Variants in SUPT5H observed in about 807,000 individuals in gnomAD.
SUPT5H encodes the protein SPT5 homolog, DSIF elongation factor subunit.
In SUPT5H, 24 loss-of-function variants were observed where a neutral mutation model predicts 142.5. The observed-to-expected ratio is 0.17, with a 90% confidence interval of 0.12 to 0.24. SUPT5H has a LOEUF of 0.24. SUPT5H is among the 10% of genes least tolerant of loss of function. SUPT5H has a pLI of 1.00. For synonymous variants in SUPT5H, 546 were observed against 553.0 expected, an observed-to-expected ratio of 0.99 and a Z score of 0.18; for missense variants, 893 against 1,471.8, an observed-to-expected ratio of 0.61 and a Z score of 6.43.
At position 39,470,990 on chromosome 19, in the gene SUPT5H, A is replaced by G. The variant is rs547850312; in HGVS notation, c.1678-367A>G. ...CCTGAGTTTCCCTCTGTAAGATGGA[A>G]ATCATGACAGAATCCACCTCAGAGG... On this transcript the variant is annotated intron_variant, in intron 18 of 29. Transcript: ENST00000432763. The surrounding 1 kb of genome is among the most constrained non-coding windows in gnomAD (Gnocchi z 5.8). Among the ~76,000 whole-genome samples the G allele has an allele frequency of 1.8e-4, 27 of 152,280 alleles. No homozygotes were observed. Among genetic ancestry groups the G allele is most frequent in the Admixed American group, 1.6e-3 (25 of 15,296 alleles).
chr19:39,473,233 G>C lies in SUPT5H; in HGVS notation c.2289G>C (p.Ser763=), dbSNP rs766297953. Residue 763 remains serine (S), a synonymous_variant, in exon 24 of 30, where the codon TCG becomes TCC. Transcript: ENST00000432763. The surrounding 1 kb of genome is among the most constrained non-coding windows in gnomAD (Gnocchi z 5.8). ...CACGGCGCCCGGGCGGCATGACCTC[G>C]ACCTATGGGAGGACGCCCATGTATG... ...VGSRRPGGMT[S]TYGRTPMYGS... The C allele has an allele frequency of 6.2e-7, 1 of 1,613,344 alleles. No homozygotes were observed. Among genetic ancestry groups the C allele is most frequent in the Non-Finnish European group, 8.5e-7 (1 of 1,179,942 alleles).
At position 39,465,012 on chromosome 19, in the gene SUPT5H, G is replaced by A. The variant is rs766384846; in HGVS notation, c.839G>A (p.Arg280His). 3 of 1,614,146 alleles carry A rather than the reference G, an allele frequency of 1.9e-6. No individual in the cohort carries two copies. The highest frequency in any genetic ancestry group is 2.5e-6 in the Non-Finnish European group (3 of 1,179,990). ...VANLKPKSWV[R>H]LKRGIYKDDI... ...AACCTGAAACCAAAGTCCTGGGTCC[G>A]CCTCAAGCGGGGCATCTACAAGGAT... The change falls in exon 11 of 30, where the codon CGC becomes CAC. Residue 280 changes from arginine to histidine, a missense_variant. By Grantham distance (29) the Arg-to-His change is conservative. Around this residue, in one of 6 missense-constraint regions of SUPT5H, gnomAD observed 428 missense variants for 763.5 expected, o/e 0.56. Transcript: ENST00000432763.
In SUPT5H at chr19:39,445,680, G is replaced by A. The variant is rs906784474; in HGVS notation, c.-88+43G>A. 10 of 600,244 alleles carry A rather than the reference G, an allele frequency of 1.7e-5. No homozygotes were observed. The African/African-American group carries it at 1.9e-4, about 11-fold the overall frequency. The allele number at this position is 600,244 out of a possible 1,614,324, so 37.2% of individuals were successfully genotyped here. ...GGTGGCAGTTCCGGGCGCCGGGGAG[G>A]TGTAGAGAACAGATTCGGAAACTGG... On this transcript the variant is annotated intron_variant, in intron 1 of 29. Transcript: ENST00000432763.
chr19:39,459,561 A>T lies in SUPT5H; in HGVS notation c.527A>T (p.Asp176Val). ...CTTCCTTTTCCTCTGCTGCTTAGGG[A>T]TCCCAATCTGTGGACTGTCAAATGT... ...TQQQLLPGVK[D>V]PNLWTVKCKI... The change falls in exon 9 of 30, where the codon GAT (aspartate) becomes GTT (valine). Residue 176 changes from aspartate (D) to valine (V), a missense_variant and splice_region_variant. This residue lies in a region of SUPT5H where 428 missense variants were observed against 763.5 expected (regional missense o/e 0.56). Transcript: ENST00000432763. The T allele has an allele frequency of 1.9e-6, 3 of 1,613,730 alleles. No individual in the cohort carries two copies. Among genetic ancestry groups the T allele is most frequent in the Non-Finnish European group, 2.5e-6 (3 of 1,179,912 alleles).
At chr19:39,471,915 G>A in intron 20 of SUPT5H, 185 bp downstream of exon 20, 1 of 900,038 alleles carries the variant, frequency 1.1e-6, no homozygotes, top group East Asian at 2.8e-5. Context: ...GTTATTTTAA[G>A]TTATTTATTC....
intron 2 of SUPT5H, among the ~76,000 whole-genome samples, chr19:39,450,371 G>A (rs927207203): frequency 3.9e-5 from 6 of 152,292 alleles, no homozygotes; most frequent in African/African-American, 1.4e-4. Context: ...TTCCTTCTGG[G>A]TTTAAGTGAT....
Position 39,466,382 on chromosome 19 carries a change from C to T in SUPT5H, c.877-98C>T, listed in dbSNP as rs2079235934. The T allele has an allele frequency of 2.6e-6, 3 of 1,146,212 alleles. No individual in the cohort carries two copies. Among genetic ancestry groups the T allele is most frequent in the African/African-American group, 1.5e-5 (1 of 65,820 alleles). 71.0% of individuals were successfully genotyped at this position (1,146,212 alleles called of 1,614,324 possible). A position where few individuals can be genotyped will look rare whatever the true frequency, so the allele number is the denominator to read the frequency against. ...GCAGCCTGGTTTCTTCCCCACCATC[C>T]TGCGTCCCTTCTCCTTCCTAGCATC... On this transcript the variant is annotated intron_variant, in intron 11 of 29. Coordinates refer to ENST00000432763, the MANE Select transcript of SUPT5H (RefSeq NM_001111020.3). The surrounding 1 kb of genome is among the most constrained non-coding windows in gnomAD (Gnocchi z 4.3).
chr19:39,458,164 C>A lies in SUPT5H; in HGVS notation c.308-130C>A. On this transcript the variant is annotated intron_variant, in intron 4 of 29. Transcript: ENST00000432763. The surrounding 1 kb of genome is among the most constrained non-coding windows in gnomAD (Gnocchi z 4.2). Reference sequence around the variant, plus strand: ...GTTTTCAACCTTTCTGTGTCCCTCCCTTCCCCTCCCCCAACCCATTGGTTG... The same window carrying A: ...GTTTTCAACCTTTCTGTGTCCCTCCATTCCCCTCCCCCAACCCATTGGTTG... 1 of 1,448,964 alleles carries A rather than the reference C, an allele frequency of 6.9e-7. No homozygotes were observed. The highest frequency in any genetic ancestry group is 9.2e-7 in the Non-Finnish European group (1 of 1,090,468). The allele number at this position is 1,448,964 out of a possible 1,614,324, so 89.8% of individuals were successfully genotyped here. A position where few individuals can be genotyped will look rare whatever the true frequency, so the allele number is the denominator to read the frequency against.
In SUPT5H at chr19:39,471,676, C is replaced by T. The variant is rs759619540; in HGVS notation, c.1896C>T (p.Asn632=). ...TACATTGCAAGAAACTGGTGGAGAA[C>T]GGGGGCATGTTTGTCTGCAAGACCC... is the stretch of plus-strand genomic sequence containing the variant. ...AFLHCKKLVE[N]GGMFVCKTRH... is the part of the protein sequence containing the mutation. The change falls in exon 20 of 30, where the codon AAC becomes AAT. Residue 632 remains asparagine (N), a synonymous_variant. Coordinates refer to ENST00000432763, the MANE Select transcript of SUPT5H (RefSeq NM_001111020.3). 1.9e-5 allele frequency: 31 copies of T among 1,614,032 alleles called. No homozygotes were observed. The East Asian group carries it at 2.7e-4, about 14-fold the overall frequency.
Position 39,473,894 on chromosome 19 carries a change from G to A in SUPT5H, c.2493-69G>A. On this transcript the variant is annotated intron_variant, in intron 25 of 29. Transcript: ENST00000432763. The surrounding 1 kb of genome is among the most constrained non-coding windows in gnomAD (Gnocchi z 5.8). ...TTGCTTCAGTTGGGGGTCTGGTGTA[G>A]GGTGCTGTTCTGGAAGCATCCATCG... is the stretch of plus-strand genomic sequence containing the variant. 1 of 1,602,778 alleles carries A rather than the reference G, an allele frequency of 6.2e-7. No individual in the cohort carries two copies. Among genetic ancestry groups the A allele is most frequent in the South Asian group, 1.1e-5 (1 of 90,868 alleles).
chr19:39,456,441 C>T (rs995988980), intron 3 of SUPT5H, among the ~76,000 whole-genome samples: 6 of 148,386 alleles, frequency 4.0e-5, no homozygotes, highest in African/African-American at 1.3e-4. Context: ...GTTTTTGAGA[C>T]GGAGTTTCCC....
chr19:39,445,778 C>T (rs1483292452), intron 1 of SUPT5H, 26 bp from the exon 2 acceptor site: 4 of 1,274,392 alleles, frequency 3.1e-6, no homozygotes, highest in South Asian at 2.6e-5. Flanking sequence ...CTGCCGGAAG[C>T]GCCCTAAGGG....
intron 28 of SUPT5H, chr19:39,475,029 G>A: frequency 4.5e-6 from 2 of 448,418 alleles, no homozygotes; most frequent in Non-Finnish European, 4.1e-6. Context: ...GAGGCCTGGA[G>A]GTGAGGGGAA....
chr19:39,456,183 C>T (rs1271785748), intron 3 of SUPT5H, among the ~76,000 whole-genome samples: 1 of 151,390 alleles, frequency 6.6e-6, no homozygotes, highest in Non-Finnish European at 1.5e-5. Context: ...TCCCAAAGTG[C>T]GGGGATTATA....
In SUPT5H at chr19:39,458,907, G is replaced by A. The variant is rs769209085; in HGVS notation, c.389+20G>A. On this transcript the variant is annotated intron_variant, in intron 6 of 29. Coordinates refer to ENST00000432763, the MANE Select transcript of SUPT5H (RefSeq NM_001111020.3). This position sits in a 1 kb window ranked among gnomAD's most constrained non-coding sequence, Gnocchi z 4.2. ...CTGGAGGTGGGCAAGGAAGGGAAAC[G>A]TGGTGGGATTGGCTCCTGTGGGGAG... is the stretch of plus-strand genomic sequence containing the variant. 43 of 1,613,692 alleles carry A rather than the reference G, an allele frequency of 2.7e-5. No homozygotes were observed. Among genetic ancestry groups the A allele is most frequent in the Non-Finnish European group, 3.4e-5 (40 of 1,179,748 alleles).
intron 20 of SUPT5H, 27 bp downstream of exon 20, chr19:39,471,757 G>A: frequency 2.5e-6 from 4 of 1,604,884 alleles, no homozygotes; most frequent in Non-Finnish European, 3.4e-6. Context: ...AGGACCCTGT[G>A]CGTTGGGTAC....
chr19:39,470,206 G>A lies in SUPT5H; in HGVS notation c.1462G>A (p.Asp488Asn). 1 of 1,607,616 alleles carries A rather than the reference G, an allele frequency of 6.2e-7. No homozygotes were observed. Among genetic ancestry groups the A allele is most frequent in the Non-Finnish European group, 8.5e-7 (1 of 1,175,510 alleles). The change falls in exon 17 of 30, where the codon GAC becomes AAC. Residue 488 changes from aspartate to asparagine, a missense_variant. By Grantham distance (23) the Asp-to-Asn change is conservative (BLOSUM62 1). Transcript: ENST00000432763. This position sits in a 1 kb window ranked among gnomAD's most constrained non-coding sequence, Gnocchi z 5.8. ...VKVIAGRFEGDTGLIVRVEEN... is the reference protein window; with the variant it reads ...VKVIAGRFEGNTGLIVRVEEN... Reference sequence around the variant, plus strand: ...GGTGATTGCTGGCCGATTCGAGGGCGACACAGGCCTCATTGTGCGGGTGGA... The same window carrying A: ...GGTGATTGCTGGCCGATTCGAGGGCAACACAGGCCTCATTGTGCGGGTGGA...
At chr19:39,461,404 G>T (rs1044792696) in intron 10 of SUPT5H, among the ~76,000 whole-genome samples, 16 of 151,994 alleles carry the variant, frequency 1.1e-4, no homozygotes, top group Non-Finnish European at 1.9e-4. Flanking sequence ...AGGTTGAAAA[G>T]GTACCTTTTG....
In SUPT5H at chr19:39,476,507, G is replaced by A. The variant is rs1282431542; in HGVS notation, c.*108G>A. ...CTGCAGGGCTAGGCGGATTGTTCTG[G>A]ATTTCCTTTTGTTTTTCCTTTTAGT... On this transcript the variant is annotated 3_prime_UTR_variant, in exon 30 of 30. Coordinates refer to ENST00000432763, the MANE Select transcript of SUPT5H (RefSeq NM_001111020.3). The A allele has an allele frequency of 1.4e-6, 2 of 1,415,506 alleles. No individual in the cohort carries two copies. Among genetic ancestry groups the A allele is most frequent in the Admixed American group, 2.1e-5 (1 of 47,054 alleles). The allele number at this position is 1,415,506 out of a possible 1,614,324, so 87.7% of individuals were successfully genotyped here.
Sources: allele counts gnomAD v4.1 joint callset (sites outside exome capture counted in the v4.1 genomes callset), GRCh38; gene constraint gnomAD v4.1.1; regional missense constraint gnomAD v4.1.1; non-coding constraint Gnocchi (gnomAD v3.1); transcripts MANE v1.5; gene names NCBI Gene and HGNC (gene_info 2026-07-23, HGNC 2026-07-21).